The following ARHGAP26 variants were observed in gnomAD, a reference collection of about 807,000 sequenced individuals.
ARHGAP26 encodes the protein rho GTPase-activating protein 26.
Under a neutral mutation model 104.8 loss-of-function variants are expected in ARHGAP26, and 38 were observed. The observed-to-expected ratio is 0.36, with a 90% CI of 0.28 to 0.48. ARHGAP26 has a LOEUF of 0.48. Ranked by LOEUF, ARHGAP26 falls within the 20% of genes least tolerant of loss-of-function variation. The probability of loss-of-function intolerance (pLI) is 0.99; values close to 1 mark genes in which losing one functional copy is unlikely to be tolerated. For missense variants in ARHGAP26, 704 were observed against 947.9 expected, an observed-to-expected ratio of 0.74 and a Z score of 3.38; for synonymous variants, 341 against 340.0, an observed-to-expected ratio of 1.00 and a Z score of -0.03.
intron 1 of ARHGAP26, among the ~76,000 whole-genome samples, chr5:142,863,854 A>G (rs1753794188): frequency 6.6e-6 from 1 of 152,160 alleles, no homozygotes; most frequent in Non-Finnish European, 1.5e-5. Context: ...GGCATTCCAG[A>G]AACAAAATCT....
chr5:142,861,219 TC>T (rs1415680552), intron 1 of ARHGAP26, among the ~76,000 whole-genome samples: 1 of 152,120 alleles, frequency 6.6e-6, no homozygotes, highest in African/African-American at 2.4e-5. Flanking sequence ...AGGCTTCCGT[TC>T]TTGGTCCCTG....
intron 20 of ARHGAP26, among the ~76,000 whole-genome samples, chr5:143,177,728 A>G (rs1314393497): frequency 6.6e-6 from 1 of 152,226 alleles, no homozygotes; most frequent in Non-Finnish European, 1.5e-5. Flanking sequence ...AACCCAAATC[A>G]TAGCACTTGG....
chr5:143,169,971 A>G (rs1300706138), intron 20 of ARHGAP26: 2 of 152,186 alleles, frequency 1.3e-5, no homozygotes, highest in African/African-American at 2.4e-5. Flanking sequence ...CTCCTTTAAG[A>G]AAAACGTATT....
At chr5:143,136,012 T>G (rs1018684116) in intron 19 of ARHGAP26, among the ~76,000 whole-genome samples, 3 of 152,230 alleles carry the variant, frequency 2.0e-5, no homozygotes, top group African/African-American at 7.2e-5. Flanking sequence ...CTTCTCAGGT[T>G]TCCAGGACAG....
At chr5:143,125,774 T>A (rs931259505) in intron 18 of ARHGAP26, among the ~76,000 whole-genome samples, 2 of 152,258 alleles carry the variant, frequency 1.3e-5, no homozygotes, top group Non-Finnish European at 2.9e-5. Flanking sequence ...GCTTATTGTT[T>A]ACAAGATATT....
At chr5:143,016,702 C>CAA (rs5871833) in intron 12 of ARHGAP26, among the ~76,000 whole-genome samples, 75,061 of 126,048 alleles carry the variant, frequency 0.6, 23,574 homozygotes, top group Middle Eastern at 0.75. Context: ...GACTCTGTCT[C>CAA]AAAAAAAAAA....
chr5:142,895,457 C>G (rs1397812704), intron 6 of ARHGAP26, among the ~76,000 whole-genome samples: 1 of 152,084 alleles, frequency 6.6e-6, no homozygotes, highest in Admixed American at 6.5e-5. Context: ...GTCTCGATCT[C>G]CTGACCCCGT....
Position 142,974,927 on chromosome 5 carries a change from AT to A in ARHGAP26, c.1108-39151del, listed in dbSNP as rs1165642551. 8.6e-5 allele frequency among the ~76,000 whole-genome samples: 13 copies of A among 151,996 alleles called. 1 individual carries two copies. Among genetic ancestry groups the A allele is most frequent in the African/African-American group, 3.1e-4 (13 of 41,438 alleles). On this transcript the variant is annotated intron_variant, in intron 11 of 22. Coordinates refer to ENST00000645722, the MANE Select transcript of ARHGAP26 (RefSeq NM_001135608.3). Reference sequence around the variant, plus strand: ...CCATACCTCCCTTCTCATACTTTTCATTCCACCTGAAGAGTGGGAAATGGCT... The same window carrying A: ...CCATACCTCCCTTCTCATACTTTTCATCCACCTGAAGAGTGGGAAATGGCT...
chr5:142,958,920 G>GA (rs34897624), intron 11 of ARHGAP26, among the ~76,000 whole-genome samples: 25 of 83,582 alleles, frequency 3.0e-4, no homozygotes, highest in Middle Eastern at 4.4e-3. Context: ...AAAAAAAAAA[G>GA]AAAAAAAAAA....
intron 10 of ARHGAP26, among the ~76,000 whole-genome samples, chr5:142,926,169 A>G (rs1230404925): frequency 1.3e-5 from 2 of 152,170 alleles, no homozygotes; most frequent in Admixed American, 6.5e-5. Context: ...TAAACCATAT[A>G]CTGCTTTCCA....
intron 17 of ARHGAP26, chr5:143,103,301 C>G: frequency 1.1e-6 from 1 of 930,582 alleles, no homozygotes; most frequent in Non-Finnish European, 1.3e-6. Context: ...ACAACAGATG[C>G]TGGAGAGGAT....
chr5:142,884,188 G>A (rs1757386883), intron 4 of ARHGAP26, among the ~76,000 whole-genome samples: 1 of 152,226 alleles, frequency 6.6e-6, no homozygotes, highest in Non-Finnish European at 1.5e-5. Flanking sequence ...AATGTGGAAG[G>A]AAGGCAGACT....
chr5:142,862,582 A>G (rs1263356666), intron 1 of ARHGAP26, among the ~76,000 whole-genome samples: 4 of 152,184 alleles, frequency 2.6e-5, no homozygotes, highest in Non-Finnish European at 5.9e-5. Flanking sequence ...TCCCTGGTAG[A>G]AGTGGTGGTA....
At chr5:142,963,187 T>TATATATATAC (rs1770638926) in intron 11 of ARHGAP26, among the ~76,000 whole-genome samples, 1 of 96,202 alleles carries the variant, frequency 1.0e-5, no homozygotes, top group African/African-American at 5.7e-5. Flanking sequence ...TATATATATA[T>TATATATATAC]ATATATATAT....
intron 8 of ARHGAP26, chr5:142,907,462 G>A (rs1343338948): frequency 1.2e-5 from 3 of 251,964 alleles, no homozygotes; most frequent in South Asian, 2.9e-4. Context: ...ACTGGATGTA[G>A]CATCAATGGG....
At chr5:143,029,572 T>A (rs988514942) in intron 12 of ARHGAP26, among the ~76,000 whole-genome samples, 9 of 127,828 alleles carry the variant, frequency 7.0e-5, no homozygotes, top group African/African-American at 4.4e-4. Context: ...GCCCAGCAAA[T>A]TTTTTTTTAA....
chr5:143,043,334 A>G (rs977304431), intron 14 of ARHGAP26, among the ~76,000 whole-genome samples: 2 of 152,202 alleles, frequency 1.3e-5, no homozygotes, highest in African/African-American at 4.8e-5. Flanking sequence ...TTTTTCAATC[A>G]GTGTAATTTT....
chr5:143,000,217 A>C (rs551393713), intron 11 of ARHGAP26, among the ~76,000 whole-genome samples: 3 of 152,330 alleles, frequency 2.0e-5, no homozygotes, highest in Admixed American at 2.0e-4. Flanking sequence ...AAAGGCTTGG[A>C]AGTTTTCTGT....
At chr5:142,837,618 G>A (rs1769852124) in intron 1 of ARHGAP26, among the ~76,000 whole-genome samples, 1 of 152,222 alleles carries the variant, frequency 6.6e-6, no homozygotes, top group African/African-American at 2.4e-5. Flanking sequence ...GCTTAAGGGT[G>A]AGCTAGTCCT....
Sources: allele counts gnomAD v4.1 joint callset (sites outside exome capture counted in the v4.1 genomes callset), GRCh38; gene constraint gnomAD v4.1.1; transcripts MANE v1.5; gene names NCBI Gene and HGNC (gene_info 2026-07-23, HGNC 2026-07-21).